Variants in SAMD4A observed in about 807,000 individuals in gnomAD.
SAMD4A encodes protein Smaug homolog 1.
A neutral mutation model predicts 81.3 loss-of-function variants in SAMD4A; 33 were observed. The observed-to-expected ratio is 0.41, with a 90% CI of 0.31 to 0.54. The LOEUF (loss-of-function observed/expected upper bound fraction) is 0.54. Among genes scored for constraint, SAMD4A ranks in the 20% least tolerant of loss-of-function variants. The pLI is 0.37. For missense variants in SAMD4A, 854 were observed against 951.1 expected (o/e 0.90, Z 1.34); for synonymous variants, 389 against 382.1 (o/e 1.02, Z -0.21).
At chr14:54,627,915 T>C (rs775738025) in intron 2 of SAMD4A, among the ~76,000 whole-genome samples, 25 of 152,246 alleles carry the variant, frequency 1.6e-4, no homozygotes, top group Admixed American at 2.0e-4. Flanking sequence ...GGAAATGACA[T>C]GTGAATAGAG....
intron 2 of SAMD4A, among the ~76,000 whole-genome samples, chr14:54,589,654 A>G (rs2033721374): frequency 6.6e-6 from 1 of 152,194 alleles, no homozygotes. Flanking sequence ...ATGTTTTTCA[A>G]AAGAACATAT....
chr14:54,741,926 C>G (rs2037853291), intron 4 of SAMD4A, among the ~76,000 whole-genome samples: 2 of 151,996 alleles, frequency 1.3e-5, no homozygotes, highest in Admixed American at 1.3e-4. Flanking sequence ...GAAACCAGAC[C>G]CTGGGCCTTG....
intron 2 of SAMD4A, among the ~76,000 whole-genome samples, chr14:54,632,826 C>A (rs910861168): frequency 1.3e-5 from 2 of 152,190 alleles, no homozygotes; most frequent in African/African-American, 4.8e-5. Context: ...TATAACAGTA[C>A]TTAACTCATA....
chr14:54,723,513 G>A (rs1594859350), intron 3 of SAMD4A, among the ~76,000 whole-genome samples: 1 of 152,262 alleles, frequency 6.6e-6, no homozygotes, highest in Admixed American at 6.5e-5. Flanking sequence ...TGGTCCTGGT[G>A]CATTACCACC....
At chr14:54,704,326 A>G (rs1416701431) in intron 3 of SAMD4A, among the ~76,000 whole-genome samples, 2 of 152,224 alleles carry the variant, frequency 1.3e-5, no homozygotes, top group Non-Finnish European at 2.9e-5. Context: ...AAACTCTTGA[A>G]TAGCTGGGAG....
chr14:54,760,041 CTGA>C, intron 6 of SAMD4A, 117 bp from the exon 7 acceptor site: 1 of 1,001,362 alleles, frequency 1.0e-6, no homozygotes, highest in Non-Finnish European at 1.5e-6. Flanking sequence ...CAAAAACGTC[CTGA>C]TGAGGGTACC....
At chr14:54,579,073 C>T (rs1237980774) in intron 2 of SAMD4A, among the ~76,000 whole-genome samples, 3 of 152,190 alleles carry the variant, frequency 2.0e-5, no homozygotes, top group Non-Finnish European at 2.9e-5. Flanking sequence ...ATATGATATT[C>T]CTTGAATGGT....
At chr14:54,651,392 G>GTTCAGCATGACATTAGTGAT (rs1468459049) in intron 2 of SAMD4A, among the ~76,000 whole-genome samples, 3 of 152,192 alleles carry the variant, frequency 2.0e-5, no homozygotes, top group Non-Finnish European at 4.4e-5. Context: ...CACTTAGGGA[G>GTTCAGCATGACATTAGTGAT]TTCAGCATGA....
rs768576869 is a variant in SAMD4A, at chr14:54,770,201, C to T, written c.1694C>T (p.Ser565Leu). The T allele has an allele frequency of 6.2e-7, 1 of 1,611,176 alleles. No individual in the cohort carries two copies. Among genetic ancestry groups the T allele is most frequent in the South Asian group, 1.1e-5 (1 of 90,998 alleles). Residue 565 changes from serine (S) to leucine (L), a missense_variant, in exon 9 of 13, where the codon TCA becomes TTA. Ser to Leu is a moderately radical substitution (Grantham distance 145, BLOSUM62 -2). Transcript: ENST00000554335. The part of the protein sequence containing the change: ...SFPRKTLLDI[S>L]GYRQQRNRGF... ...CCTCGGAAAACCCTTCTAGACATATCAGGATATCGACAGCAAAGAAAGTAT... is the reference window on the plus strand; with the variant it reads ...CCTCGGAAAACCCTTCTAGACATATTAGGATATCGACAGCAAAGAAAGTAT...
chr14:54,687,851 G>A (rs1053382677), intron 2 of SAMD4A: 22 of 409,488 alleles, frequency 5.4e-5, no homozygotes, highest in East Asian at 1.5e-4. Context: ...TGGAGGGAGC[G>A]TGATGTCACA....
At chr14:54,678,911 C>A (rs1566580209) in intron 2 of SAMD4A, among the ~76,000 whole-genome samples, 1 of 152,180 alleles carries the variant, frequency 6.6e-6, no homozygotes, top group Non-Finnish European at 1.5e-5. Flanking sequence ...ATGCTACCTT[C>A]TTGTGGACTC....
chr14:54,775,693 G>T (rs959994344), intron 10 of SAMD4A, among the ~76,000 whole-genome samples: 2 of 152,008 alleles, frequency 1.3e-5, no homozygotes, highest in African/African-American at 4.8e-5. Context: ...AGTGCCTTCC[G>T]CCTGTGTGCC....
chr14:54,718,554 TTTGTTG>T (rs377475572), intron 3 of SAMD4A, among the ~76,000 whole-genome samples: 1 of 134,754 alleles, frequency 7.4e-6, no homozygotes, highest in Non-Finnish European at 1.6e-5. Flanking sequence ...TTTTGGGTTT[TTTGTTG>T]TTGTTGTTGT....
intron 2 of SAMD4A, among the ~76,000 whole-genome samples, chr14:54,638,005 GCA>G (rs1220021373): frequency 2.0e-5 from 3 of 152,166 alleles, no homozygotes; most frequent in Admixed American, 6.5e-5. Flanking sequence ...GTCAGTTATT[GCA>G]CAGAGTCCCA....
Position 54,567,780 on chromosome 14 carries a change from A to G in SAMD4A, c.-137A>G. 1.2e-6 allele frequency: 1 copy of G among 814,152 alleles called. No homozygotes were observed. The highest frequency in any genetic ancestry group is 1.8e-5 in the South Asian group (1 of 54,252). 50.4% of individuals were successfully genotyped at this position (814,152 alleles called of 1,614,324 possible). On this transcript the variant is annotated 5_prime_UTR_variant, in exon 2 of 13. Coordinates refer to ENST00000554335, the MANE Select transcript of SAMD4A (RefSeq NM_015589.6). ...AGGCAGGAGCCCAGGCAGTACCTGC[A>G]GCGTCCGGGCACCAGAGCCACCTTG...
intron 3 of SAMD4A, among the ~76,000 whole-genome samples, chr14:54,714,027 G>A (rs2037056747): frequency 6.6e-6 from 1 of 152,174 alleles, no homozygotes; most frequent in Non-Finnish European, 1.5e-5. Flanking sequence ...TGTACTAGCT[G>A]TTTAAAGAAG....
At chr14:54,689,634 G>A (rs185258472) in intron 2 of SAMD4A, 1 of 152,280 alleles carries the variant, frequency 6.6e-6, no homozygotes, top group Non-Finnish European at 1.5e-5. Flanking sequence ...GTCACTTAGA[G>A]CACCTGATAC....
intron 2 of SAMD4A, among the ~76,000 whole-genome samples, chr14:54,572,537 A>G (rs1295259784): frequency 6.6e-6 from 1 of 152,206 alleles, no homozygotes; most frequent in Non-Finnish European, 1.5e-5. Flanking sequence ...TTCTAAGGGC[A>G]GCTTGGTTGC....
intron 2 of SAMD4A, among the ~76,000 whole-genome samples, chr14:54,604,074 C>T (rs760477937): frequency 6.6e-6 from 1 of 152,194 alleles, no homozygotes; most frequent in Non-Finnish European, 1.5e-5. Context: ...CCACCCACCT[C>T]GGCCTCCCAA....
Sources: allele counts gnomAD v4.1 joint callset (sites outside exome capture counted in the v4.1 genomes callset), GRCh38; gene constraint gnomAD v4.1.1; transcripts MANE v1.5; gene names NCBI Gene and HGNC (gene_info 2026-07-23, HGNC 2026-07-21).